The following SFSWAP variants were observed in gnomAD, a reference collection of about 807,000 sequenced individuals.
The protein encoded by SFSWAP is splicing factor SWAP.
SFSWAP carries 17 observed loss-of-function variants against 100.7 expected under a neutral mutation model. The ratio of observed to expected loss-of-function variants is 0.17; its 90% CI spans 0.12 to 0.25. The LOEUF (loss-of-function observed/expected upper bound fraction) is 0.25. SFSWAP is among the 10% of genes least tolerant of loss of function. SFSWAP has a pLI of 1.00. For synonymous variants in SFSWAP, 504 were observed against 510.1 expected, an observed-to-expected ratio of 0.99 and a Z score of 0.16; for missense variants, 1,005 against 1,262.6, an observed-to-expected ratio of 0.80 and a Z score of 3.09.
chr12:131,783,801 T>C (rs1884681992), intron 14 of SFSWAP: 1 of 128,716 alleles, frequency 7.8e-6, no homozygotes, highest in South Asian at 2.5e-4. Context: ...TTTATATATA[T>C]ATATATATAT....
intron 7 of SFSWAP, among the ~76,000 whole-genome samples, chr12:131,732,055 G>A (rs187450711): frequency 3.3e-5 from 5 of 151,550 alleles, no homozygotes; most frequent in Admixed American, 2.6e-4. Flanking sequence ...GATCACAGGC[G>A]CTCGTCACCA....
At position 131,725,128 on chromosome 12, in the gene SFSWAP, A is replaced by G. The variant is rs985905991; in HGVS notation, c.607-277A>G. Among the ~76,000 whole-genome samples the G allele has an allele frequency of 3.2e-4, 48 of 152,188 alleles. No homozygotes were observed. Among genetic ancestry groups the G allele is most frequent in the African/African-American group, 1.1e-3 (47 of 41,436 alleles). ...TTCCATCATAGAGCTGAACTTAAAT[A>G]TATAGAAAAATGTTGACTTGGTGCA... On this transcript the variant is annotated intron_variant, in intron 4 of 17. Transcript: ENST00000261674. The surrounding 1 kb of genome is among the most constrained non-coding windows in gnomAD (Gnocchi z 4.3).
At chr12:131,740,556 TG>T (rs1880507564) in intron 7 of SFSWAP, among the ~76,000 whole-genome samples, 1 of 152,312 alleles carries the variant, frequency 6.6e-6, no homozygotes, top group Admixed American at 6.5e-5. Flanking sequence ...TCCCACGCAT[TG>T]GTGCCTCTGC....
chr12:131,739,673 G>A (rs1032638783), intron 7 of SFSWAP, among the ~76,000 whole-genome samples: 3 of 150,358 alleles, frequency 2.0e-5, no homozygotes, highest in Non-Finnish European at 4.4e-5. Context: ...AGCCTCCCGA[G>A]CAGCTGGGAG....
At chr12:131,740,889 C>G (rs948198773) in intron 7 of SFSWAP, among the ~76,000 whole-genome samples, 1 of 151,696 alleles carries the variant, frequency 6.6e-6, no homozygotes. Context: ...GGTTGTAGAC[C>G]CATGAGTGTG....
chr12:131,772,541 A>T (rs775721795), intron 13 of SFSWAP, among the ~76,000 whole-genome samples: 1 of 152,204 alleles, frequency 6.6e-6, no homozygotes, highest in African/African-American at 2.4e-5. Flanking sequence ...TCAATCCCTT[A>T]CGGGAGGGAC....
At chr12:131,719,605 G>C (rs1310316333) in intron 4 of SFSWAP, 66 bp downstream of exon 4, 2 of 1,274,228 alleles carry the variant, frequency 1.6e-6, no homozygotes, top group African/African-American at 2.9e-5. Flanking sequence ...CCTGCTTGTG[G>C]GAAAGCTCAA....
chr12:131,786,693 A>C lies in SFSWAP; in HGVS notation c.2534+105A>C, dbSNP rs994750313. Reference sequence around the variant, plus strand: ...TCTGTGAGCAGAGCTGTGGATGACCAGAGGGAGGTGCTGAGTCCCCCACCA... The same window carrying C: ...TCTGTGAGCAGAGCTGTGGATGACCCGAGGGAGGTGCTGAGTCCCCCACCA... On this transcript the variant is annotated intron_variant, in intron 15 of 17. Transcript: ENST00000261674. 1.5e-5 allele frequency: 19 copies of C among 1,296,644 alleles called. No individual in the cohort carries two copies. The African/African-American group carries it at 2.6e-4, about 18-fold the overall frequency. 80.3% of individuals were successfully genotyped at this position (1,296,644 alleles called of 1,614,324 possible). A position where few individuals can be genotyped will look rare whatever the true frequency, so the allele number is the denominator to read the frequency against.
At chr12:131,783,122 A>G (rs982799545) in intron 14 of SFSWAP, among the ~76,000 whole-genome samples, 2 of 151,258 alleles carry the variant, frequency 1.3e-5, no homozygotes, top group African/African-American at 2.4e-5. Flanking sequence ...TGGAGATTGC[A>G]GTGAGCCAAG....
chr12:131,756,855 T>G (rs1882224324), intron 11 of SFSWAP: 1 of 559,176 alleles, frequency 1.8e-6, no homozygotes, highest in African/African-American at 1.9e-5. Flanking sequence ...GAGCAGCCCT[T>G]AGGTATGTGT....
At chr12:131,776,463 C>T (rs937178031) in intron 13 of SFSWAP, among the ~76,000 whole-genome samples, 1 of 152,244 alleles carries the variant, frequency 6.6e-6, no homozygotes, top group African/African-American at 2.4e-5. Flanking sequence ...TAAATTGGGG[C>T]CTGCCCCACC....
In SFSWAP at chr12:131,754,466, T is replaced by C; in HGVS notation, c.1421T>C (p.Phe474Ser). ...TATGTCGCCAGGAACGGCCTGAAGT[T>C]CGAGACCAGTGTTCGTGCCAAGAAT... ...AEYVARNGLKFETSVRAKNDQ... is the reference protein window; with the variant it reads ...AEYVARNGLKSETSVRAKNDQ... The change falls in exon 9 of 18, where the codon TTC becomes TCC. Residue 474 changes from phenylalanine (F) to serine (S), a missense_variant. This residue lies in a region of SFSWAP where 311 missense variants were observed against 317.8 expected (regional missense o/e 0.98). Transcript: ENST00000261674. 1 of 1,603,774 alleles carries C rather than the reference T, an allele frequency of 6.2e-7. No individual in the cohort carries two copies. Among genetic ancestry groups the C allele is most frequent in the Non-Finnish European group, 8.5e-7 (1 of 1,176,338 alleles).
intron 14 of SFSWAP, among the ~76,000 whole-genome samples, chr12:131,782,350 A>G (rs1387131317): frequency 6.6e-6 from 1 of 152,226 alleles, no homozygotes; most frequent in Non-Finnish European, 1.5e-5. Context: ...AATGCAAGTT[A>G]GAAATGGGAG....
chr12:131,732,968 G>C (rs1208345679), intron 7 of SFSWAP, among the ~76,000 whole-genome samples: 1 of 152,194 alleles, frequency 6.6e-6, no homozygotes, highest in Non-Finnish European at 1.5e-5. Flanking sequence ...TGTCCTTGGA[G>C]CACGTCAGCT....
At position 131,772,166 on chromosome 12, in the gene SFSWAP, C is replaced by T. The variant is rs536231575; in HGVS notation, c.2142+5858C>T. ...GGAATTTATTTGAGTTTGAGGAGCA[C>T]GTCACTATCGATGCAACGCATTCAC... On this transcript the variant is annotated intron_variant, in intron 13 of 17. Coordinates refer to ENST00000261674, the MANE Select transcript of SFSWAP (RefSeq NM_004592.4). 8.5e-5 allele frequency among the ~76,000 whole-genome samples: 13 copies of T among 152,324 alleles called. No individual in the cohort carries two copies. The East Asian group carries it at 2.3e-3, about 27-fold the overall frequency.
chr12:131,712,563 T>C (rs1031210097), intron 1 of SFSWAP: 2 of 152,248 alleles, frequency 1.3e-5, no homozygotes, highest in African/African-American at 4.8e-5. Flanking sequence ...GGAGCATGAC[T>C]GTAGGGATGA....
intron 1 of SFSWAP, 89 bp from the exon 2 acceptor site, chr12:131,713,982 G>GTATA: frequency 1.3e-6 from 1 of 791,214 alleles, no homozygotes; most frequent in Non-Finnish European, 2.0e-6. Context: ...GTATGTGTGT[G>GTATA]TATATATATA....
In SFSWAP at chr12:131,727,064, A is replaced by G. The variant is rs1436808129; in HGVS notation, c.945+12A>G. On this transcript the variant is annotated intron_variant, in intron 6 of 17. Coordinates refer to ENST00000261674, the MANE Select transcript of SFSWAP (RefSeq NM_004592.4). Reference sequence around the variant, plus strand: ...AAGAGCTGATGAAGGTTTTTATCTCATTGTTGAACTATATTTTTATGCCAC... The same window carrying G: ...AAGAGCTGATGAAGGTTTTTATCTCGTTGTTGAACTATATTTTTATGCCAC... 18 of 1,436,522 alleles carry G rather than the reference A, an allele frequency of 1.3e-5. No individual in the cohort carries two copies. Among genetic ancestry groups the G allele is most frequent in the Non-Finnish European group, 1.6e-5 (16 of 1,025,060 alleles). 89.0% of individuals were successfully genotyped at this position (1,436,522 alleles called of 1,614,324 possible).
intron 7 of SFSWAP, among the ~76,000 whole-genome samples, chr12:131,745,297 C>T (rs936289274): frequency 3.3e-5 from 5 of 152,104 alleles, no homozygotes; most frequent in African/African-American, 9.7e-5. Context: ...CTGCCTAAAA[C>T]GAACAATTGC....
Sources: allele counts gnomAD v4.1 joint callset (sites outside exome capture counted in the v4.1 genomes callset), GRCh38; gene constraint gnomAD v4.1.1; regional missense constraint gnomAD v4.1.1; non-coding constraint Gnocchi (gnomAD v3.1); transcripts MANE v1.5; gene names NCBI Gene and HGNC (gene_info 2026-07-23, HGNC 2026-07-21).